The following BMP6 variants were observed in gnomAD, a reference collection of about 807,000 sequenced individuals.
BMP6 encodes the protein bone morphogenetic protein 6, also known as VG-1-R.
Under a neutral mutation model 54.1 loss-of-function variants are expected in BMP6, and 17 were observed. The ratio of observed to expected loss-of-function variants is 0.31; its 90% CI spans 0.22 to 0.47. The LOEUF (loss-of-function observed/expected upper bound fraction) is 0.47. BMP6 is among the 20% of genes least tolerant of loss of function. The pLI is 1.00. For missense variants in BMP6, 720 were observed against 690.4 expected (o/e 1.04, Z -0.48); for synonymous variants, 328 against 291.2 (o/e 1.13, Z -1.28).
chr6:7,880,165 G>T (rs1209241924), intron 6 of BMP6, 29 bp from the exon 7 acceptor site: 2 of 1,614,010 alleles, frequency 1.2e-6, no homozygotes, highest in South Asian at 2.2e-5. Context: ...CATTTCTAAG[G>T]TACCTTCTCC....
chr6:7,781,921 G>A (rs1004993524), intron 1 of BMP6, among the ~76,000 whole-genome samples: 1 of 151,460 alleles, frequency 6.6e-6, no homozygotes, highest in Non-Finnish European at 1.5e-5. Flanking sequence ...AGAGCTGTGA[G>A]TAGTCATGAA....
chr6:7,823,955 G>C (rs1333615413), intron 1 of BMP6, among the ~76,000 whole-genome samples: 1 of 152,178 alleles, frequency 6.6e-6, no homozygotes, highest in Non-Finnish European at 1.5e-5. Flanking sequence ...GATATCATCT[G>C]GTTTATATTT....
chr6:7,809,418 T>G (rs973198684), intron 1 of BMP6, among the ~76,000 whole-genome samples: 15 of 152,228 alleles, frequency 9.9e-5, no homozygotes, highest in African/African-American at 3.4e-4. Flanking sequence ...TGTGGAAGAT[T>G]AGCTGTTCTA....
Position 7,862,402 on chromosome 6 carries a change from G to C in BMP6, c.1108G>C (p.Val370Leu). The C allele has an allele frequency of 1.9e-6, 3 of 1,614,196 alleles. No individual in the cohort carries two copies. The highest frequency in any genetic ancestry group is 2.5e-6 in the Non-Finnish European group (3 of 1,180,050). The change falls in exon 4 of 7, where the codon GTG becomes CTG. Residue 370 changes from valine to leucine, a missense_variant. Physicochemically the swap from Val to Leu is conservative, Grantham distance 32. This residue lies in a region of BMP6 where 650 missense variants were observed against 556.3 expected (regional missense o/e 1.17). Coordinates refer to ENST00000283147, the MANE Select transcript of BMP6 (RefSeq NM_001718.6). ...VAFFKVSEVHVRTTRSASSRR... is the reference protein window; with the variant it reads ...VAFFKVSEVHLRTTRSASSRR... The stretch of plus-strand genomic sequence containing the variant: ...TTTCTTCAAAGTGAGTGAGGTGCAC[G>C]TGCGCACCACCAGGTCAGCCTCCAG...
At chr6:7,731,897 G>A (rs940302713) in intron 1 of BMP6, among the ~76,000 whole-genome samples, 4 of 151,964 alleles carry the variant, frequency 2.6e-5, no homozygotes, top group African/African-American at 4.8e-5. Flanking sequence ...TTGAATTCAC[G>A]AGGTATTTAT....
intron 1 of BMP6, among the ~76,000 whole-genome samples, chr6:7,817,134 G>C (rs961685248): frequency 3.9e-4 from 59 of 151,992 alleles, no homozygotes; most frequent in African/African-American, 1.4e-3. Flanking sequence ...TTTACAATTT[G>C]TAACATGCTT....
chr6:7,822,896 GTTGTGTGTGTGT>G (rs989527073), intron 1 of BMP6, among the ~76,000 whole-genome samples: 20 of 85,662 alleles, frequency 2.3e-4, no homozygotes, highest in African/African-American at 1.4e-3. Context: ...ATTGGTGCTG[GTTGTGTGTGTGT>G]GTGTGTGTGT....
At chr6:7,853,538 G>A (rs2113265484) in intron 2 of BMP6, among the ~76,000 whole-genome samples, 1 of 152,298 alleles carries the variant, frequency 6.6e-6, no homozygotes, top group South Asian at 2.1e-4. Context: ...AGATACCTGA[G>A]ACGGGTTTCT....
chr6:7,855,795 C>T (rs1429649918), intron 2 of BMP6, among the ~76,000 whole-genome samples: 1 of 151,932 alleles, frequency 6.6e-6, no homozygotes, highest in Non-Finnish European at 1.5e-5. Context: ...TCCCACGGTG[C>T]TGGGATTACA....
chr6:7,811,596 G>A (rs372571400), intron 1 of BMP6, among the ~76,000 whole-genome samples: 2 of 152,280 alleles, frequency 1.3e-5, no homozygotes, highest in Admixed American at 6.5e-5. Context: ...AGCACTTTCC[G>A]TTCTGAAATG....
At chr6:7,776,331 A>C (rs764431823) in intron 1 of BMP6, among the ~76,000 whole-genome samples, 1 of 152,216 alleles carries the variant, frequency 6.6e-6, no homozygotes, top group Non-Finnish European at 1.5e-5. Context: ...GGAACATTTA[A>C]AGGAGATTTT....
At chr6:7,806,526 T>C (rs1369492432) in intron 1 of BMP6, among the ~76,000 whole-genome samples, 1 of 152,204 alleles carries the variant, frequency 6.6e-6, no homozygotes, top group Admixed American at 6.5e-5. Flanking sequence ...ATGTATTCTA[T>C]TGGCTATTGA....
intron 1 of BMP6, among the ~76,000 whole-genome samples, chr6:7,730,512 G>A (rs1381201302): frequency 6.6e-6 from 1 of 152,176 alleles, no homozygotes. Context: ...ATAGTGTGAA[G>A]AGAAAACCTT....
intron 1 of BMP6, among the ~76,000 whole-genome samples, chr6:7,739,360 C>G (rs752737472): frequency 6.6e-6 from 1 of 152,198 alleles, no homozygotes; most frequent in Non-Finnish European, 1.5e-5. Flanking sequence ...TATGCTCATC[C>G]TTCTCCAAAT....
chr6:7,742,301 C>T (rs532187646), intron 1 of BMP6, among the ~76,000 whole-genome samples: 6 of 152,184 alleles, frequency 3.9e-5, no homozygotes, highest in East Asian at 1.9e-4. Flanking sequence ...AAAGACATGC[C>T]GCTGAGTCTC....
chr6:7,842,815 G>A (rs1758997747), intron 1 of BMP6, among the ~76,000 whole-genome samples: 1 of 152,154 alleles, frequency 6.6e-6, no homozygotes, highest in African/African-American at 2.4e-5. Flanking sequence ...TAAAGTTACT[G>A]TCTTATGTCT....
chr6:7,748,541 G>C (rs1020658716), intron 1 of BMP6, among the ~76,000 whole-genome samples: 1 of 152,188 alleles, frequency 6.6e-6, no homozygotes, highest in African/African-American at 2.4e-5. Context: ...ATGCTTATGA[G>C]AGAAACCTAC....
At chr6:7,843,174 G>T (rs990254970) in intron 1 of BMP6, among the ~76,000 whole-genome samples, 4 of 151,980 alleles carry the variant, frequency 2.6e-5, no homozygotes, top group Admixed American at 6.6e-5. Flanking sequence ...TCTTGTTGGG[G>T]CTAAACTGTG....
chr6:7,750,984 T>C (rs1019841780), intron 1 of BMP6, among the ~76,000 whole-genome samples: 1 of 152,184 alleles, frequency 6.6e-6, no homozygotes, highest in Admixed American at 6.5e-5. Flanking sequence ...GAGTGAGAGC[T>C]AAAATTCTCA....
Sources: gnomAD v4.1 joint callset for allele counts (sites outside exome capture counted in the v4.1 genomes callset) on GRCh38, gnomAD v4.1.1 for gene constraint, gnomAD v4.1.1 regional missense constraint, MANE v1.5 for transcripts, NCBI Gene and HGNC (gene_info 2026-07-23, HGNC 2026-07-21) for gene names.